The following GABRB1 variants were observed in gnomAD, a reference collection of about 807,000 sequenced individuals.
GABRB1 encodes gamma-aminobutyric acid receptor subunit beta-1.
In GABRB1, 17 loss-of-function variants were observed where a neutral mutation model predicts 51.6. The observed-to-expected ratio is 0.33, with a 90% confidence interval of 0.23 to 0.49. The LOEUF is 0.49. Among genes scored for constraint, GABRB1 ranks in the 20% least tolerant of loss-of-function variants. GABRB1 has a pLI of 0.99. For synonymous variants in GABRB1, 247 were observed against 218.9 expected (o/e 1.13, Z -1.14); for missense variants, 410 against 600.6 (o/e 0.68, Z 3.32).
At chr4:47,195,790 A>T (rs936109229) in intron 4 of GABRB1, among the ~76,000 whole-genome samples, 5 of 152,200 alleles carry the variant, frequency 3.3e-5, no homozygotes, top group African/African-American at 1.2e-4. Flanking sequence ...GAATTATTCC[A>T]TGTAATTCTC....
intron 3 of GABRB1, among the ~76,000 whole-genome samples, chr4:47,152,252 T>C (rs1344470832): frequency 4.6e-5 from 7 of 152,030 alleles, no homozygotes; most frequent in Admixed American, 1.3e-4. Context: ...AACACACTTA[T>C]TGCTGATCTT....
At chr4:47,272,526 CTAAA>C (rs1722912543) in intron 4 of GABRB1, among the ~76,000 whole-genome samples, 2 of 151,772 alleles carry the variant, frequency 1.3e-5, no homozygotes, top group South Asian at 2.1e-4. Context: ...TCTATATTAA[CTAAA>C]TAAATTTTAA....
intron 4 of GABRB1, among the ~76,000 whole-genome samples, chr4:47,245,568 G>A (rs78317477): frequency 0.058 from 8,853 of 152,168 alleles, 394 homozygotes; most frequent in South Asian, 0.2. Context: ...TGCTTCTCCA[G>A]GGGACAATCC....
chr4:47,195,067 A>G (rs1024053990), intron 4 of GABRB1, among the ~76,000 whole-genome samples: 2 of 152,130 alleles, frequency 1.3e-5, no homozygotes, highest in Admixed American at 6.6e-5. Flanking sequence ...GTGTTCTGCT[A>G]TATAAATCAA....
chr4:47,267,052 C>G (rs2109887434), intron 4 of GABRB1, among the ~76,000 whole-genome samples: 1 of 152,054 alleles, frequency 6.6e-6, no homozygotes, highest in Non-Finnish European at 1.5e-5. Flanking sequence ...CTAAATATAC[C>G]TGTCCTGCTT....
intron 4 of GABRB1, among the ~76,000 whole-genome samples, chr4:47,215,762 G>A (rs1436666237): frequency 6.6e-6 from 1 of 151,998 alleles, no homozygotes; most frequent in East Asian, 1.9e-4. Flanking sequence ...TTATTTACAA[G>A]AAATAAACCC....
At chr4:47,394,983 T>G (rs7439087) in intron 5 of GABRB1, among the ~76,000 whole-genome samples, 15 of 151,978 alleles carry the variant, frequency 9.9e-5, no homozygotes, top group Non-Finnish European at 1.9e-4. Context: ...TAGACAGACA[T>G]AGAAGCTGGT....
chr4:47,077,428 G>A (rs929794019), intron 3 of GABRB1, among the ~76,000 whole-genome samples: 2 of 152,072 alleles, frequency 1.3e-5, no homozygotes, highest in Admixed American at 1.3e-4. Context: ...CAGCATAGTA[G>A]AAAAATAAAA....
chr4:47,128,071 G>T (rs1049371564), intron 3 of GABRB1, among the ~76,000 whole-genome samples: 1 of 151,606 alleles, frequency 6.6e-6, no homozygotes, highest in Non-Finnish European at 1.5e-5. Flanking sequence ...AAGGCAGAGG[G>T]TGTCTGAATA....
intron 1 of GABRB1, among the ~76,000 whole-genome samples, chr4:47,009,998 G>A (rs1724538846): frequency 6.6e-6 from 1 of 152,214 alleles, no homozygotes; most frequent in African/African-American, 2.4e-5. Flanking sequence ...CGGATGAGCT[G>A]TGCAACTCTG....
At position 47,376,339 on chromosome 4, in the gene GABRB1, A is replaced by T. The variant is rs138306118; in HGVS notation, c.545-26979A>T. On this transcript the variant is annotated intron_variant, in intron 5 of 8. Coordinates refer to ENST00000295454, the MANE Select transcript of GABRB1 (RefSeq NM_000812.4). ...ATAAAGGCCAAAAAGGGCCCAGAGG[A>T]TCTGGCGGTTAAGAAGCCATAGATG... Among the ~76,000 whole-genome samples the T allele has an allele frequency of 2.2e-3, 337 of 152,324 alleles. 2 individuals carry two copies. The highest frequency in any genetic ancestry group is 6.9e-3 in the African/African-American group (286 of 41,566).
chr4:47,074,199 T>C (rs1727457459), intron 3 of GABRB1, among the ~76,000 whole-genome samples: 1 of 151,948 alleles, frequency 6.6e-6, no homozygotes, highest in Non-Finnish European at 1.5e-5. Flanking sequence ...TACAAGCAAA[T>C]ACACTAAAAG....
chr4:47,223,771 T>TG (rs1720852253), intron 4 of GABRB1, among the ~76,000 whole-genome samples: 1 of 152,074 alleles, frequency 6.6e-6, no homozygotes. Flanking sequence ...GTTTAGACTA[T>TG]GACATTAGAA....
intron 3 of GABRB1, among the ~76,000 whole-genome samples, chr4:47,070,424 C>T (rs915474420): frequency 6.0e-5 from 9 of 150,100 alleles, no homozygotes; most frequent in African/African-American, 2.2e-4. Flanking sequence ...CTCCACCTGC[C>T]GAGTTCAAGC....
At chr4:47,158,821 A>C (rs112555291) in intron 3 of GABRB1, among the ~76,000 whole-genome samples, 1 of 152,104 alleles carries the variant, frequency 6.6e-6, no homozygotes, top group Admixed American at 6.6e-5. Context: ...GAAAATGAGC[A>C]TACACACTCT....
intron 1 of GABRB1, among the ~76,000 whole-genome samples, chr4:46,999,583 T>A (rs1202792020): frequency 1.3e-5 from 2 of 152,112 alleles, no homozygotes; most frequent in African/African-American, 2.4e-5. Context: ...AATATAAATA[T>A]ATCAGGAGTA....
intron 3 of GABRB1, among the ~76,000 whole-genome samples, chr4:47,065,253 C>T (rs987760612): frequency 3.3e-5 from 5 of 152,202 alleles, no homozygotes; most frequent in Non-Finnish European, 5.9e-5. Flanking sequence ...CCAATAACAA[C>T]CCTTCTTAAT....
chr4:47,184,215 C>A (rs527884983), intron 4 of GABRB1, among the ~76,000 whole-genome samples: 6 of 151,974 alleles, frequency 3.9e-5, no homozygotes, highest in South Asian at 2.1e-4. Flanking sequence ...TGCCAGTCTG[C>A]CAAAACAGCC....
chr4:47,390,162 T>A (rs1010579797), intron 5 of GABRB1, among the ~76,000 whole-genome samples: 1 of 152,242 alleles, frequency 6.6e-6, no homozygotes, highest in Non-Finnish European at 1.5e-5. Flanking sequence ...GCCAAGCAAC[T>A]AATTTGGCCA....
Sources: gnomAD v4.1 joint callset for allele counts (sites outside exome capture counted in the v4.1 genomes callset) on GRCh38, gnomAD v4.1.1 for gene constraint, MANE v1.5 for transcripts, NCBI Gene and HGNC (gene_info 2026-07-23, HGNC 2026-07-21) for gene names.